CD244: variants seen among roughly 807,000 people sequenced by gnomAD.
CD244 encodes the protein natural killer cell receptor 2B4.
A neutral mutation model predicts 45.5 loss-of-function variants in CD244; 20 were observed. The ratio of observed to expected loss-of-function variants is 0.44; its 90% CI spans 0.31 to 0.64. The LOEUF is 0.64. Ranked by LOEUF, CD244 falls within the 30% of genes least tolerant of loss-of-function variation. The pLI, the probability that CD244 is intolerant of heterozygous loss-of-function variation, is 0.08. For synonymous variants in CD244, 185 were observed against 160.5 expected (o/e 1.15, Z -1.15); for missense variants, 407 against 426.9 (o/e 0.95, Z 0.41).
At position 160,833,304 on chromosome 1, in the gene CD244, A is replaced by T. The variant is rs1458661186; in HGVS notation, c.961-729T>A. 4.6e-5 allele frequency among the ~76,000 whole-genome samples: 7 copies of T among 152,176 alleles called. No individual in the cohort carries two copies. In the South Asian group the frequency reaches 1.0e-3, roughly 23 times the overall value. On this transcript the variant is annotated intron_variant, in intron 7 of 8. Transcript: ENST00000368034. Reference sequence around the variant, plus strand: ...TGAAAAGTCTGAAAATCTGTCCTAAACCCCTTCAAACCTGTGGTCCCTGAC... The same window carrying T: ...TGAAAAGTCTGAAAATCTGTCCTAATCCCCTTCAAACCTGTGGTCCCTGAC...
intron 1 of CD244, among the ~76,000 whole-genome samples, chr1:160,856,966 A>G (rs192325271): frequency 2.9e-4 from 44 of 152,378 alleles, no homozygotes; most frequent in African/African-American, 9.4e-4. Flanking sequence ...TTCAAACGTC[A>G]CAACAGCAAA....
intron 1 of CD244, among the ~76,000 whole-genome samples, chr1:160,854,719 G>A (rs1185445049): frequency 1.3e-5 from 2 of 152,118 alleles, no homozygotes; most frequent in African/African-American, 4.8e-5. Context: ...TGAAATGTGT[G>A]ATCTACAGTC....
At position 160,841,778 on chromosome 1, in the gene CD244, C is replaced by A; in HGVS notation, c.185G>T (p.Gly62Val). ...AWKKLLPSQN[G>V]FHHILKWENG... Reference sequence around the variant, plus strand: ...CTCCCACTTCAATATGTGATGAAATCCATTTTGTGAGGGCAGCAACTTCTT... The same window carrying A: ...CTCCCACTTCAATATGTGATGAAATACATTTTGTGAGGGCAGCAACTTCTT... Residue 62 changes from glycine to valine, a missense_variant, in exon 2 of 9, where the codon GGA becomes GTA. Physicochemically the swap from Gly to Val is moderately radical, Grantham distance 109. Coordinates refer to ENST00000368034, the MANE Select transcript of CD244 (RefSeq NM_016382.4). The A allele has an allele frequency of 6.2e-7, 1 of 1,614,064 alleles. No homozygotes were observed. Among genetic ancestry groups the A allele is most frequent in the South Asian group, 1.1e-5 (1 of 91,058 alleles).
rs762705496 is a variant in CD244, at chr1:160,832,534, G to A, written c.1002C>T (p.Ser334=). 1.2e-6 allele frequency: 2 copies of A among 1,605,530 alleles called. No homozygotes were observed. Among genetic ancestry groups the A allele is most frequent in the Non-Finnish European group, 1.7e-6 (2 of 1,173,646 alleles). ...RKRNHSPSFN[S]TIYEVIGKSQ... ...AGAATCTTACCACTTCATAGATAGT[G>A]CTATTGAAGGAAGGGCTGTGGTTCC... Residue 334 remains serine, a synonymous_variant, in exon 8 of 9, where the codon AGC becomes AGT. Transcript: ENST00000368034.
intron 1 of CD244, among the ~76,000 whole-genome samples, chr1:160,859,601 A>T (rs530271702): frequency 5.3e-5 from 8 of 152,280 alleles, no homozygotes; most frequent in Non-Finnish European, 1.0e-4. Context: ...TTAAAGAAAA[A>T]ATAATTTTAA....
At chr1:160,849,773 C>G (rs1669856605) in intron 1 of CD244, among the ~76,000 whole-genome samples, 1 of 152,118 alleles carries the variant, frequency 6.6e-6, no homozygotes. Context: ...CGCCTGTAAT[C>G]CCAGCACTTT....
intron 8 of CD244, among the ~76,000 whole-genome samples, chr1:160,831,687 T>C (rs1465517273): frequency 2.0e-5 from 3 of 152,212 alleles, no homozygotes; most frequent in Non-Finnish European, 4.4e-5. Context: ...CACAGTGCCC[T>C]CTATGACCCT....
chr1:160,851,562 A>C (rs1344192528), intron 1 of CD244, among the ~76,000 whole-genome samples: 2 of 152,248 alleles, frequency 1.3e-5, no homozygotes, highest in African/African-American at 4.8e-5. Context: ...CATAAATTTA[A>C]ATATGAAAGC....
At chr1:160,851,628 A>G (rs1409064854) in intron 1 of CD244, among the ~76,000 whole-genome samples, 1 of 152,224 alleles carries the variant, frequency 6.6e-6, no homozygotes, top group Admixed American at 6.5e-5. Context: ...ACATCTTGAG[A>G]TAGACAAATG....
chr1:160,845,093 C>T (rs1218757460), intron 1 of CD244, among the ~76,000 whole-genome samples: 1 of 152,104 alleles, frequency 6.6e-6, no homozygotes, highest in East Asian at 1.9e-4. Flanking sequence ...TGAGCCCAGC[C>T]CAAATTGCCA....
At chr1:160,847,296 G>A (rs990170422) in intron 1 of CD244, among the ~76,000 whole-genome samples, 1 of 149,836 alleles carries the variant, frequency 6.7e-6, no homozygotes. Flanking sequence ...GCTACAAGAA[G>A]CACACAAAAA....
intron 1 of CD244, among the ~76,000 whole-genome samples, chr1:160,851,633 C>T (rs1019788534): frequency 3.3e-5 from 5 of 152,136 alleles, no homozygotes; most frequent in Admixed American, 3.3e-4. Flanking sequence ...TTGAGATAGA[C>T]AAATGTTTCC....
intron 1 of CD244, 149 bp from the exon 2 acceptor site, chr1:160,842,050 C>T (rs1229495766): frequency 1.1e-5 from 7 of 623,278 alleles, no homozygotes. Flanking sequence ...ATATCCCCTC[C>T]ATCTGCCTCC....
chr1:160,862,833 G>A lies in CD244; in HGVS notation c.-156C>T, dbSNP rs767103358. The stretch of plus-strand genomic sequence containing the variant: ...GTTTCCTCAATTAGAGGCTGTTAAC[G>A]CCTGCTGTGAGCTGACAAGGCCACT... On this transcript the variant is annotated 5_prime_UTR_variant, in exon 1 of 9. Transcript: ENST00000368034. 11 of 579,564 alleles carry A rather than the reference G, an allele frequency of 1.9e-5. No homozygotes were observed. The highest frequency in any genetic ancestry group is 5.6e-5 in the African/African-American group (3 of 53,476). 35.9% of individuals were successfully genotyped at this position (579,564 alleles called of 1,614,324 possible). A position where few individuals can be genotyped will look rare whatever the true frequency, so the allele number is the denominator to read the frequency against.
At chr1:160,843,770 A>G (rs1423968454) in intron 1 of CD244, among the ~76,000 whole-genome samples, 1 of 152,236 alleles carries the variant, frequency 6.6e-6, no homozygotes, top group African/African-American at 2.4e-5. Context: ...TATGGGGCCA[A>G]TATCTGGAAG....
At chr1:160,853,872 T>A (rs1424295356) in intron 1 of CD244, among the ~76,000 whole-genome samples, 1 of 145,738 alleles carries the variant, frequency 6.9e-6, no homozygotes, top group Non-Finnish European at 1.5e-5. Flanking sequence ...GCTATGGAGG[T>A]GTGCCCAGGG....
chr1:160,839,472 T>C (rs1437479202), intron 3 of CD244, among the ~76,000 whole-genome samples: 2 of 152,238 alleles, frequency 1.3e-5, no homozygotes, highest in African/African-American at 2.4e-5. Context: ...ATTCAATGAA[T>C]TGTGGATCCA....
At chr1:160,842,035 A>C in intron 1 of CD244, 134 bp from the exon 2 acceptor site, 1 of 657,278 alleles carries the variant, frequency 1.5e-6, no homozygotes, top group South Asian at 1.9e-5. Context: ...GGAGCACCTT[A>C]AAGCATATCC....
At chr1:160,858,378 C>T (rs1670183545) in intron 1 of CD244, among the ~76,000 whole-genome samples, 1 of 152,266 alleles carries the variant, frequency 6.6e-6, no homozygotes, top group Admixed American at 6.5e-5. Flanking sequence ...ACCCTTGGAG[C>T]TAATCTATAA....
Sources: allele counts gnomAD v4.1 joint callset (sites outside exome capture counted in the v4.1 genomes callset), GRCh38; gene constraint gnomAD v4.1.1; transcripts MANE v1.5; gene names NCBI Gene and HGNC (gene_info 2026-07-23, HGNC 2026-07-21).